RPS6KA2: variants seen among roughly 807,000 people sequenced by gnomAD.
RPS6KA2 encodes the protein ribosomal protein S6 kinase A2.
In RPS6KA2, 42 loss-of-function variants were observed where a neutral mutation model predicts 91.8. That is an observed-to-expected ratio of 0.46 (90% CI 0.36 to 0.59). The LOEUF is 0.59. Among genes scored for constraint, RPS6KA2 ranks in the 20% least tolerant of loss-of-function variants. The pLI is 0.00. For synonymous variants in RPS6KA2, 414 were observed against 393.6 expected, an observed-to-expected ratio of 1.05 and a Z score of -0.61; for missense variants, 798 against 978.5, an observed-to-expected ratio of 0.82 and a Z score of 2.46.
At chr6:166,780,406 A>G (rs1308018236) in intron 2 of RPS6KA2, among the ~76,000 whole-genome samples, 2 of 152,208 alleles carry the variant, frequency 1.3e-5, no homozygotes, top group African/African-American at 4.8e-5. Context: ...GAAGCCAGAG[A>G]GAGGCCCGAG....
intron 2 of RPS6KA2, among the ~76,000 whole-genome samples, chr6:166,536,423 C>T (rs78748361): frequency 0.026 from 4,023 of 152,286 alleles, 173 homozygotes; most frequent in African/African-American, 0.089. Context: ...TTAGAACACA[C>T]GGCTTCTCCC....
Position 166,500,876 on chromosome 6 carries a change from C to A in RPS6KA2, c.604+11G>T. On this transcript the variant is annotated intron_variant, in intron 7 of 20. Transcript: ENST00000265678. This position sits in a 1 kb window ranked among gnomAD's most constrained non-coding sequence, Gnocchi z 4.3. Reference sequence around the variant, plus strand: ...TGAAGCCATGGAGGGGGCCTGCCGTCTTTTACAAACCTGTGATCTTAATGT... The same window carrying A: ...TGAAGCCATGGAGGGGGCCTGCCGTATTTTACAAACCTGTGATCTTAATGT... 1 of 1,613,808 alleles carries A rather than the reference C, an allele frequency of 6.2e-7. No homozygotes were observed. Among genetic ancestry groups the A allele is most frequent in the Non-Finnish European group, 8.5e-7 (1 of 1,179,702 alleles).
intron 2 of RPS6KA2, among the ~76,000 whole-genome samples, chr6:166,674,029 C>G (rs1788552702): frequency 6.6e-6 from 1 of 152,224 alleles, no homozygotes; most frequent in Non-Finnish European, 1.5e-5. Flanking sequence ...CTGAAGAGAG[C>G]TGCATCGCTG....
chr6:166,821,115 C>T lies in RPS6KA2; in HGVS notation c.123+37085G>A, dbSNP rs1389616038. Among the ~76,000 whole-genome samples the T allele has an allele frequency of 6.6e-6, 1 of 152,122 alleles. No individual in the cohort carries two copies. Among genetic ancestry groups the T allele is most frequent in the Non-Finnish European group, 1.5e-5 (1 of 68,030 alleles). On this transcript the variant is annotated intron_variant, in intron 2 of 21. Coordinates refer to the RPS6KA2 transcript ENST00000503859. The surrounding 1 kb of genome is among the most constrained non-coding windows in gnomAD (Gnocchi z 4.1). ...ACCATATTTTGTATCACACGCTAGGCACAGAGTGAGCACATAGGAATTATA... is the reference window on the plus strand; with the variant it reads ...ACCATATTTTGTATCACACGCTAGGTACAGAGTGAGCACATAGGAATTATA...
rs1033468670 is a variant in RPS6KA2 at position 166,437,404 on chromosome 6, C to T, written c.1333-4914G>A. 6.6e-5 allele frequency among the ~76,000 whole-genome samples: 10 copies of T among 152,170 alleles called. No individual in the cohort carries two copies. Among genetic ancestry groups the T allele is most frequent in the Admixed American group, 3.9e-4 (6 of 15,270 alleles). On this transcript the variant is annotated intron_variant, in intron 14 of 20. Coordinates refer to ENST00000265678, the MANE Select transcript of RPS6KA2 (RefSeq NM_021135.6). This position sits in a 1 kb window ranked among gnomAD's most constrained non-coding sequence, Gnocchi z 4.3. ...TCAGCAAGCGTGGTGATGAACAAGGCCTCCCCTCCAGGCTGACGCTCAAAT... is the reference window on the plus strand; with the variant it reads ...TCAGCAAGCGTGGTGATGAACAAGGTCTCCCCTCCAGGCTGACGCTCAAAT...
chr6:166,844,449 A>G (rs1030171881), intron 2 of RPS6KA2, among the ~76,000 whole-genome samples: 11 of 152,216 alleles, frequency 7.2e-5, no homozygotes, highest in Non-Finnish European at 1.5e-4. Flanking sequence ...CAAAAAGATC[A>G]TTGCCTAGAC....
rs1413273058 is a variant in RPS6KA2 at position 166,433,578 on chromosome 6, C to A, written c.1333-1088G>T. 6.6e-6 allele frequency among the ~76,000 whole-genome samples: 1 copy of A among 152,144 alleles called. No individual in the cohort carries two copies. Among genetic ancestry groups the A allele is most frequent in the Non-Finnish European group, 1.5e-5 (1 of 68,024 alleles). On this transcript the variant is annotated intron_variant, in intron 14 of 20. Transcript: ENST00000265678. The surrounding 1 kb of genome is among the most constrained non-coding windows in gnomAD (Gnocchi z 4.4). ...AACAACACTCAGAGCAGAAGAAAAG[C>A]GATTGGAAACACCTTCCTAACCATG...
chr6:166,662,929 G>C lies in RPS6KA2; in HGVS notation c.124-124145C>G, dbSNP rs910566978. Among the ~76,000 whole-genome samples the C allele has an allele frequency of 3.9e-5, 6 of 152,084 alleles. No homozygotes were observed. The highest frequency in any genetic ancestry group is 1.4e-4 in the African/African-American group (6 of 41,390). On this transcript the variant is annotated intron_variant, in intron 2 of 21. Coordinates refer to the RPS6KA2 transcript ENST00000503859. This position sits in a 1 kb window ranked among gnomAD's most constrained non-coding sequence, Gnocchi z 4.3. ...GACACCGGGGCCGCCTCTGTGTATGGAGGAACGGCCACGCGAGGACAGGGA... is the reference window on the plus strand; with the variant it reads ...GACACCGGGGCCGCCTCTGTGTATGCAGGAACGGCCACGCGAGGACAGGGA...
At chr6:166,574,045 G>T (rs77099781) in intron 1 of RPS6KA2, among the ~76,000 whole-genome samples, 1 of 152,138 alleles carries the variant, frequency 6.6e-6, no homozygotes, top group Non-Finnish European at 1.5e-5. Context: ...AGGCCCTGCC[G>T]TGGTCATTCT....
At position 166,638,885 on chromosome 6, in the gene RPS6KA2, AGTTT is replaced by A. The variant is rs368927018; in HGVS notation, c.124-100105_124-100102del. Among the ~76,000 whole-genome samples, 18 of 152,268 alleles carry A rather than the reference AGTTT, an allele frequency of 1.2e-4. No homozygotes were observed. In the East Asian group the frequency reaches 3.3e-3, roughly 28 times the overall value. On this transcript the variant is annotated intron_variant, in intron 2 of 21. Coordinates refer to the RPS6KA2 transcript ENST00000503859. ...TCAGTAGTTTCTGTTCCTTCTGCTCAGTTTGTTTGAGAACCTAAAATGGCTCTTA... is the reference window on the plus strand; with the variant it reads ...TCAGTAGTTTCTGTTCCTTCTGCTCAGTTTGAGAACCTAAAATGGCTCTTA...
At chr6:166,683,308 C>T (rs934250240) in intron 2 of RPS6KA2, among the ~76,000 whole-genome samples, 2 of 152,222 alleles carry the variant, frequency 1.3e-5, no homozygotes, top group Non-Finnish European at 1.5e-5. Flanking sequence ...TGATGCTCTC[C>T]TAACTCAGAG....
intron 1 of RPS6KA2, among the ~76,000 whole-genome samples, chr6:166,610,287 G>A (rs757321850): frequency 6.6e-6 from 1 of 152,194 alleles, no homozygotes. Flanking sequence ...AATGCAAATG[G>A]CCTTCCGCTC....
rs956227571 is a variant in RPS6KA2, at chr6:166,445,068, A to G, written c.1332+3656T>C. 6.6e-6 allele frequency among the ~76,000 whole-genome samples: 1 copy of G among 152,228 alleles called. No individual in the cohort carries two copies. The highest frequency in any genetic ancestry group is 2.4e-5 in the African/African-American group (1 of 41,468). On this transcript the variant is annotated intron_variant, in intron 14 of 20. Transcript: ENST00000265678. The surrounding 1 kb of genome is among the most constrained non-coding windows in gnomAD (Gnocchi z 4.5). ...ATTAGAAACCTGCAAAAATGCAGAA[A>G]TAACTTAAAGCAAAATATAATGATA...
At chr6:166,799,719 T>C (rs188681649) in intron 2 of RPS6KA2, among the ~76,000 whole-genome samples, 18 of 152,170 alleles carry the variant, frequency 1.2e-4, no homozygotes, top group Admixed American at 2.6e-4. Context: ...GGCCAGAAGA[T>C]ATACCTTTTT....
chr6:166,819,206 C>T (rs188693827), intron 2 of RPS6KA2, among the ~76,000 whole-genome samples: 30 of 152,194 alleles, frequency 2.0e-4, no homozygotes, highest in Admixed American at 1.3e-3. Flanking sequence ...TGTTCTCTTC[C>T]GAGGAATTCC....
intron 2 of RPS6KA2, among the ~76,000 whole-genome samples, chr6:166,786,571 C>CT (rs1358132216): frequency 2.0e-5 from 3 of 151,902 alleles, no homozygotes; most frequent in Non-Finnish European, 4.4e-5. Context: ...TAAAAGTATT[C>CT]TTTTTTGTAA....
chr6:166,523,559 T>C (rs1233849132), intron 3 of RPS6KA2, among the ~76,000 whole-genome samples: 3 of 152,112 alleles, frequency 2.0e-5, no homozygotes, highest in Non-Finnish European at 4.4e-5. Flanking sequence ...TAAATAAAGA[T>C]GATGATTTAT....
chr6:166,808,411 T>C (rs1297396477), intron 2 of RPS6KA2, among the ~76,000 whole-genome samples: 3 of 152,314 alleles, frequency 2.0e-5, no homozygotes, highest in Middle Eastern at 3.4e-3. Flanking sequence ...AGCTGTACAA[T>C]TGATTATTAT....
intron 10 of RPS6KA2, among the ~76,000 whole-genome samples, chr6:166,471,099 C>T (rs557976147): frequency 9.2e-5 from 14 of 152,288 alleles, no homozygotes; most frequent in African/African-American, 2.6e-4. Context: ...CAACTCCTAA[C>T]GGCTGTGCTC....
Sources: gnomAD v4.1 joint callset for allele counts (sites outside exome capture counted in the v4.1 genomes callset) on GRCh38, gnomAD v4.1.1 for gene constraint, Gnocchi (gnomAD v3.1) non-coding constraint, MANE v1.5 for transcripts, NCBI Gene and HGNC (gene_info 2026-07-23, HGNC 2026-07-21) for gene names.